SLC24A2: variants seen among roughly 807,000 people sequenced by gnomAD.
The protein encoded by SLC24A2 is sodium/potassium/calcium exchanger 2.
In SLC24A2, 36 loss-of-function variants were observed where a neutral mutation model predicts 62.0. The ratio of observed to expected loss-of-function variants is 0.58; its 90% confidence interval spans 0.44 to 0.77. The LOEUF is 0.77. SLC24A2 is among the 30% of genes least tolerant of loss of function. The pLI, the probability that SLC24A2 is intolerant of heterozygous loss-of-function variation, is 0.00. For missense variants in SLC24A2, 846 were observed against 817.9 expected (o/e 1.03, Z -0.42); for synonymous variants, 358 against 294.0 (o/e 1.22, Z -2.23).
At chr9:19,533,548 C>G (rs143102186) in intron 8 of SLC24A2, among the ~76,000 whole-genome samples, 3 of 152,208 alleles carry the variant, frequency 2.0e-5, no homozygotes, top group Non-Finnish European at 2.9e-5. Flanking sequence ...ACTTGCTGCT[C>G]TCGGCACTTT....
chr9:20,046,492 G>T, the SLC24A2 span, among the ~76,000 whole-genome samples: 208 of 152,284 alleles, frequency 1.4e-3, no homozygotes, highest in African/African-American at 4.8e-3. Context: ...GTTCATCTTT[G>T]TCTTGAAGCC....
chr9:19,559,190 G>A lies in SLC24A2; in HGVS notation c.1348-8922C>T, dbSNP rs142972353. ...AAAATAATTTCTTCAAAGACATGTA[G>A]GAGAAAAAAAGCTTGACTAGGTGAA... On this transcript the variant is annotated intron_variant, in intron 7 of 10. Transcript: ENST00000341998. Among the ~76,000 whole-genome samples, 1,390 of 152,080 alleles carry A rather than the reference G, an allele frequency of 9.1e-3. 21 individuals are homozygous for A. Among genetic ancestry groups the A allele is most frequent in the African/African-American group, 0.031 (1,283 of 41,520 alleles).
intron 7 of SLC24A2, among the ~76,000 whole-genome samples, chr9:19,561,549 C>T (rs1835404318): frequency 6.6e-6 from 1 of 151,352 alleles, no homozygotes; most frequent in African/African-American, 2.4e-5. Flanking sequence ...ATTTTCCTGC[C>T]TCAGCCTCCC....
At chr9:20,180,242 C>A in the SLC24A2 span, among the ~76,000 whole-genome samples, 40 of 152,188 alleles carry the variant, frequency 2.6e-4, no homozygotes, top group African/African-American at 9.6e-4. Context: ...GACAAATTCA[C>A]TAATAACACC....
chr9:19,581,874 T>G (rs1010560088), intron 5 of SLC24A2, among the ~76,000 whole-genome samples: 3 of 152,224 alleles, frequency 2.0e-5, no homozygotes, highest in African/African-American at 7.2e-5. Flanking sequence ...ATTTTTAACA[T>G]GTTTCAAGGC....
the SLC24A2 span, among the ~76,000 whole-genome samples, chr9:19,850,551 T>C: frequency 6.6e-6 from 1 of 152,116 alleles, no homozygotes; most frequent in African/African-American, 2.4e-5. Context: ...AGTTGCTCAG[T>C]CATCATCAAA....
At chr9:20,239,496 G>A in the SLC24A2 span, among the ~76,000 whole-genome samples, 1 of 136,234 alleles carries the variant, frequency 7.3e-6, no homozygotes, top group Admixed American at 7.6e-5. Flanking sequence ...GCCTTGGATA[G>A]GCACAGCCCT....
At chr9:19,518,504 C>G (rs1481636690) in intron 10 of SLC24A2, among the ~76,000 whole-genome samples, 1 of 151,576 alleles carries the variant, frequency 6.6e-6, no homozygotes, top group Non-Finnish European at 1.5e-5. Context: ...TCACTGCAAC[C>G]TCCACCTCCT....
chr9:19,769,436 A>T (rs539148993), intron 2 of SLC24A2, among the ~76,000 whole-genome samples: 1 of 152,168 alleles, frequency 6.6e-6, no homozygotes, highest in East Asian at 1.9e-4. Flanking sequence ...CAACACTTCC[A>T]CTGTCTCTAA....
At chr9:19,747,617 A>G (rs751085137) in intron 2 of SLC24A2, among the ~76,000 whole-genome samples, 3 of 152,208 alleles carry the variant, frequency 2.0e-5, no homozygotes, top group Non-Finnish European at 4.4e-5. Context: ...GAGATTAGCC[A>G]AAGGAAATTC....
the SLC24A2 span, among the ~76,000 whole-genome samples, chr9:19,799,538 T>A: frequency 6.6e-6 from 1 of 152,000 alleles, no homozygotes; most frequent in Non-Finnish European, 1.5e-5. Flanking sequence ...TGAGGTGGAG[T>A]CATCTGAAAT....
intron 5 of SLC24A2, 24 bp from the exon 6 acceptor site, chr9:19,577,046 A>G (rs1586987338): frequency 1.3e-6 from 2 of 1,582,934 alleles, no homozygotes; most frequent in Non-Finnish European, 1.7e-6. Flanking sequence ...AAGTGGCAGG[A>G]AGGAGACACA....
the SLC24A2 span, among the ~76,000 whole-genome samples, chr9:20,254,035 G>A: frequency 6.6e-6 from 1 of 152,176 alleles, no homozygotes; most frequent in Non-Finnish European, 1.5e-5. Context: ...AGACAGGCAG[G>A]GAGTGGGGTG....
intron 2 of SLC24A2, among the ~76,000 whole-genome samples, chr9:19,701,228 G>A (rs189217572): frequency 1.3e-5 from 2 of 152,336 alleles, no homozygotes; most frequent in Admixed American, 1.3e-4. Flanking sequence ...TGACTGTGAA[G>A]ACAGATTAAA....
chr9:19,634,587 C>T (rs1482773634), intron 2 of SLC24A2, among the ~76,000 whole-genome samples: 1 of 152,150 alleles, frequency 6.6e-6, no homozygotes, highest in Non-Finnish European at 1.5e-5. Flanking sequence ...TGCGCCCGGC[C>T]AAAACCACAG....
the SLC24A2 span, among the ~76,000 whole-genome samples, chr9:19,825,966 A>G: frequency 6.6e-6 from 1 of 152,094 alleles, no homozygotes; most frequent in Non-Finnish European, 1.5e-5. Flanking sequence ...TGAGGTGTGA[A>G]TTACCTCCAT....
At chr9:19,971,256 C>G in the SLC24A2 span, among the ~76,000 whole-genome samples, 3 of 152,186 alleles carry the variant, frequency 2.0e-5, no homozygotes, top group Non-Finnish European at 4.4e-5. Flanking sequence ...GACCCAAGAT[C>G]AGCAAAATCT....
chr9:19,935,019 A>G, the SLC24A2 span, among the ~76,000 whole-genome samples: 1 of 151,684 alleles, frequency 6.6e-6, no homozygotes, highest in Non-Finnish European at 1.5e-5. Flanking sequence ...GGGGCCCACT[A>G]CCACTTATTT....
At chr9:19,676,287 T>C (rs34958343) in intron 2 of SLC24A2, among the ~76,000 whole-genome samples, 27,724 of 152,232 alleles carry the variant, frequency 0.18, 2,827 homozygotes, top group Middle Eastern at 0.24. Flanking sequence ...TTCTCTTGGC[T>C]TTCCTGGTAT....
Sources: gnomAD v4.1 joint callset for allele counts (sites outside exome capture counted in the v4.1 genomes callset) on GRCh38, gnomAD v4.1.1 for gene constraint, MANE v1.5 for transcripts, NCBI Gene and HGNC (gene_info 2026-07-23, HGNC 2026-07-21) for gene names.